Variants in MCTP1 observed in about 807,000 individuals in gnomAD.
The protein encoded by MCTP1 is multiple C2 and transmembrane domain containing 1.
Under a neutral mutation model 120.6 loss-of-function variants are expected in MCTP1, and 69 were observed. The ratio of observed to expected loss-of-function variants is 0.57; its 90% CI spans 0.47 to 0.70. MCTP1 has a LOEUF of 0.70. MCTP1 is among the 30% of genes least tolerant of loss of function. The pLI, the probability that MCTP1 is intolerant of heterozygous loss-of-function variation, is 0.00. For synonymous variants in MCTP1, 529 were observed against 493.1 expected (o/e 1.07, Z -0.96); for missense variants, 1,203 against 1,248.8 (o/e 0.96, Z 0.55).
At chr5:95,273,702 G>C (rs755551902) in intron 1 of MCTP1, among the ~76,000 whole-genome samples, 1 of 152,098 alleles carries the variant, frequency 6.6e-6, no homozygotes, top group Non-Finnish European at 1.5e-5. Context: ...AGAGTACATA[G>C]GTGACAATCT....
intron 17 of MCTP1, among the ~76,000 whole-genome samples, chr5:94,814,313 T>C (rs1784050175): frequency 1.3e-5 from 2 of 152,204 alleles, no homozygotes; most frequent in South Asian, 4.1e-4. Context: ...GAAACTAGGC[T>C]GAGAAAGTTA....
rs10214293 is a variant in MCTP1 at position 94,847,615 on chromosome 5, A to G, written c.2436+20718T>C. 5.8e-3 allele frequency among the ~76,000 whole-genome samples: 868 copies of G among 150,580 alleles called. 6 individuals carry two copies. Among genetic ancestry groups the G allele is most frequent in the African/African-American group, 0.021 (839 of 40,820 alleles). On this transcript the variant is annotated intron_variant, in intron 17 of 22. Coordinates refer to ENST00000515393, the MANE Select transcript of MCTP1 (RefSeq NM_024717.7). ...TGGGGAGATGTAGGAGGGGGTAAAAATCTTTACTGATCATATTAAGAAGCA... is the reference window on the plus strand; with the variant it reads ...TGGGGAGATGTAGGAGGGGGTAAAAGTCTTTACTGATCATATTAAGAAGCA...
intron 1 of MCTP1, among the ~76,000 whole-genome samples, chr5:95,089,891 G>T (rs904205314): frequency 1.3e-5 from 2 of 152,094 alleles, no homozygotes; most frequent in Non-Finnish European, 2.9e-5. Context: ...AACACAATTT[G>T]TATAGTCTGG....
chr5:95,036,331 G>T (rs1841286934), intron 1 of MCTP1, among the ~76,000 whole-genome samples: 5 of 152,180 alleles, frequency 3.3e-5, no homozygotes, highest in Admixed American at 3.3e-4. Flanking sequence ...AAAGAGGGAA[G>T]CTCGTGTAGC....
intron 13 of MCTP1, 72 bp from the exon 14 acceptor site, chr5:94,871,489 T>C: frequency 3.0e-6 from 3 of 1,002,226 alleles, no homozygotes; most frequent in Non-Finnish European, 4.7e-6. Flanking sequence ...GTTTTGAAAA[T>C]TTAGATAGCT....
At chr5:95,010,956 T>C (rs1453045336) in intron 2 of MCTP1, among the ~76,000 whole-genome samples, 1 of 152,132 alleles carries the variant, frequency 6.6e-6, no homozygotes, top group Non-Finnish European at 1.5e-5. Flanking sequence ...GCCTGATGTT[T>C]TCTCATGATT....
intron 1 of MCTP1, among the ~76,000 whole-genome samples, chr5:95,137,986 T>C (rs7445472): frequency 0.14 from 21,001 of 152,146 alleles, 1,551 homozygotes; most frequent in Middle Eastern, 0.22. Context: ...TTAATAAAAG[T>C]CCTACAGAAA....
intron 1 of MCTP1, among the ~76,000 whole-genome samples, chr5:95,140,885 A>T (rs1380694439): frequency 6.8e-6 from 1 of 147,560 alleles, no homozygotes; most frequent in Non-Finnish European, 1.5e-5. Flanking sequence ...GTCTCAAAAA[A>T]AAAAAAAAAA....
chr5:94,996,714 G>A (rs1157349174), intron 2 of MCTP1, among the ~76,000 whole-genome samples: 5 of 152,176 alleles, frequency 3.3e-5, no homozygotes, highest in African/African-American at 1.2e-4. Flanking sequence ...TCAGTCCAAG[G>A]TTGGTTGAAT....
intron 19 of MCTP1, among the ~76,000 whole-genome samples, chr5:94,763,749 C>G (rs1309770877): frequency 1.3e-5 from 2 of 152,080 alleles, no homozygotes; most frequent in African/African-American, 4.8e-5. Flanking sequence ...AATAGCAAAA[C>G]AGTTCAACCT....
chr5:95,257,796 T>TACACACACACAA (rs1758045997), intron 1 of MCTP1, among the ~76,000 whole-genome samples: 1 of 125,368 alleles, frequency 8.0e-6, no homozygotes, highest in Non-Finnish European at 1.7e-5. Flanking sequence ...CCAGAAAACA[T>TACACACACACAA]ACACACACAC....
chr5:94,767,440 G>A (rs747576626), intron 19 of MCTP1, among the ~76,000 whole-genome samples: 42 of 151,966 alleles, frequency 2.8e-4, no homozygotes, highest in Non-Finnish European at 4.6e-4. Flanking sequence ...GAAAGAAAAG[G>A]CATCCAAATT....
At chr5:94,734,647 G>A (rs946525073) in intron 19 of MCTP1, among the ~76,000 whole-genome samples, 3 of 152,148 alleles carry the variant, frequency 2.0e-5, no homozygotes, top group Admixed American at 6.5e-5. Context: ...TGGAGAGATA[G>A]GATCTCACTA....
chr5:94,779,184 C>T lies in MCTP1; in HGVS notation c.2557-21G>A, dbSNP rs553622166. 154 of 1,610,616 alleles carry T rather than the reference C, an allele frequency of 9.6e-5. No individual in the cohort carries two copies. The South Asian group carries it at 1.2e-3, about 12-fold the overall frequency. On this transcript the variant is annotated intron_variant, in intron 18 of 22. Transcript: ENST00000515393. Reference sequence around the variant, plus strand: ...ACTACCTGCAGAGAGAAACAGAAGTCGTTTTTTGTGCTCTTAAAGGAGAGA... The same window carrying T: ...ACTACCTGCAGAGAGAAACAGAAGTTGTTTTTTGTGCTCTTAAAGGAGAGA...
chr5:94,894,979 T>G (rs1581228232), intron 10 of MCTP1, 144 bp from the exon 11 acceptor site: 3 of 558,954 alleles, frequency 5.4e-6, no homozygotes, highest in Non-Finnish European at 9.2e-6. Context: ...TCAGCTGACT[T>G]TCTTCACAAA....
intron 2 of MCTP1, among the ~76,000 whole-genome samples, chr5:94,982,982 A>G (rs1829768968): frequency 6.6e-6 from 1 of 151,076 alleles, no homozygotes; most frequent in Non-Finnish European, 1.5e-5. Flanking sequence ...ACTTGATAGC[A>G]TAAACAAAAA....
chr5:95,141,027 C>G (rs547392693), intron 1 of MCTP1, among the ~76,000 whole-genome samples: 1 of 152,028 alleles, frequency 6.6e-6, no homozygotes, highest in African/African-American at 2.4e-5. Context: ...GTGTATCTAT[C>G]CTTATCAAGA....
At chr5:94,996,150 C>T (rs1473184039) in intron 2 of MCTP1, among the ~76,000 whole-genome samples, 1 of 152,060 alleles carries the variant, frequency 6.6e-6, no homozygotes, top group Admixed American at 6.6e-5. Context: ...TTAAAGCAAA[C>T]ATTTACTTCA....
chr5:95,280,104 C>G (rs1017456121), intron 1 of MCTP1, among the ~76,000 whole-genome samples: 2 of 152,140 alleles, frequency 1.3e-5, no homozygotes, highest in Non-Finnish European at 2.9e-5. Flanking sequence ...GTTTTTGAAT[C>G]ATTTTGTTAA....
Sources: allele counts gnomAD v4.1 joint callset (sites outside exome capture counted in the v4.1 genomes callset), GRCh38; gene constraint gnomAD v4.1.1; transcripts MANE v1.5; gene names NCBI Gene and HGNC (gene_info 2026-07-23, HGNC 2026-07-21).